Variants in PRELID2 observed in about 807,000 individuals in gnomAD.
The protein encoded by PRELID2 is PRELI domain containing 2.
A neutral mutation model predicts 28.4 loss-of-function variants in PRELID2; 25 were observed. The ratio of observed to expected loss-of-function variants is 0.88; its 90% CI spans 0.64 to 1.23. The LOEUF (loss-of-function observed/expected upper bound fraction) is 1.23. PRELID2 is among the 50% of genes most tolerant of loss of function. The probability of loss-of-function intolerance (pLI) is 0.00; values close to 1 mark genes in which losing one functional copy is unlikely to be tolerated. For missense variants in PRELID2, 201 were observed against 214.4 expected, an observed-to-expected ratio of 0.94 and a Z score of 0.39; for synonymous variants, 76 against 71.6, an observed-to-expected ratio of 1.06 and a Z score of -0.31.
intron 2 of PRELID2, among the ~76,000 whole-genome samples, chr5:145,821,257 G>A (rs1042771227): frequency 6.7e-6 from 1 of 150,350 alleles, no homozygotes. Context: ...TCTTCTGTGT[G>A]TATGTGTGTG....
intron 1 of PRELID2, among the ~76,000 whole-genome samples, chr5:145,702,322 T>C (rs1406688323): frequency 6.6e-6 from 1 of 152,172 alleles, no homozygotes; most frequent in Non-Finnish European, 1.5e-5. Flanking sequence ...CCTTGTCTCA[T>C]CTGTGTCTGA....
intron 4 of PRELID2, among the ~76,000 whole-genome samples, chr5:145,798,511 T>A (rs1752913466): frequency 6.6e-6 from 1 of 152,142 alleles, no homozygotes; most frequent in Non-Finnish European, 1.5e-5. Context: ...GACCCAGCCA[T>A]CCCATTACTG....
At chr5:145,804,516 G>T (rs1481720440) in intron 4 of PRELID2, among the ~76,000 whole-genome samples, 1 of 152,044 alleles carries the variant, frequency 6.6e-6, no homozygotes, top group African/African-American at 2.4e-5. Flanking sequence ...CCTCAAAAAA[G>T]AAAAGAATTG....
chr5:145,294,563 G>T, the PRELID2 span, among the ~76,000 whole-genome samples: 1 of 152,064 alleles, frequency 6.6e-6, no homozygotes, highest in African/African-American at 2.4e-5. Context: ...AATAAGGGCT[G>T]TGTTTCCTAT....
chr5:145,591,140 AAAAATATTAG>A (rs2149630990), intron 1 of PRELID2, among the ~76,000 whole-genome samples: 1 of 151,618 alleles, frequency 6.6e-6, no homozygotes, highest in Non-Finnish European at 1.5e-5. Context: ...TACAAAACAT[AAAAATATTAG>A]CTGGGCATGG....
intron 5 of PRELID2, among the ~76,000 whole-genome samples, chr5:145,784,374 T>C (rs926306669): frequency 6.6e-6 from 1 of 152,216 alleles, no homozygotes; most frequent in Admixed American, 6.5e-5. Flanking sequence ...AATTTTGTTT[T>C]CTTCTCAACA....
the PRELID2 span, among the ~76,000 whole-genome samples, chr5:145,408,417 A>G: frequency 7.3e-6 from 1 of 137,328 alleles, no homozygotes; most frequent in Admixed American, 7.4e-5. Context: ...ATATATATAT[A>G]TGTATAATAT....
Position 145,525,936 on chromosome 5 carries a change from G to A in PRELID2, n.71-52621C>T, listed in dbSNP as rs570902776. 2.6e-5 allele frequency among the ~76,000 whole-genome samples: 4 copies of A among 152,202 alleles called. No individual in the cohort carries two copies. In the East Asian group the frequency reaches 7.7e-4, roughly 29 times the overall value. On this transcript the variant is annotated intron_variant and non_coding_transcript_variant, in intron 1 of 2. Coordinates refer to the PRELID2 transcript ENST00000510259. ...ACCTGATCCATTTTCTTTTCTTTCT[G>A]GGTCTACTTCTTTCATTCATGTACT...
chr5:145,703,502 T>C (rs1755463992), intron 1 of PRELID2, among the ~76,000 whole-genome samples: 1 of 152,114 alleles, frequency 6.6e-6, no homozygotes, highest in Non-Finnish European at 1.5e-5. Context: ...CCCTAAATGC[T>C]CCAGGGAAAA....
chr5:145,790,587 A>C (rs1752304056), intron 5 of PRELID2, among the ~76,000 whole-genome samples: 1 of 151,776 alleles, frequency 6.6e-6, no homozygotes, highest in South Asian at 2.1e-4. Context: ...GTTAATGAGA[A>C]TATATTGTAA....
chr5:145,232,084 G>A, the PRELID2 span, among the ~76,000 whole-genome samples: 1 of 152,076 alleles, frequency 6.6e-6, no homozygotes, highest in Admixed American at 6.5e-5. Context: ...GGACACTAGT[G>A]TCTCGTGTAG....
chr5:145,283,701 T>C, the PRELID2 span, among the ~76,000 whole-genome samples: 1 of 152,200 alleles, frequency 6.6e-6, no homozygotes, highest in East Asian at 1.9e-4. Flanking sequence ...TACAACAATG[T>C]TATGTAACCA....
At chr5:145,396,189 A>G in the PRELID2 span, among the ~76,000 whole-genome samples, 1 of 152,124 alleles carries the variant, frequency 6.6e-6, no homozygotes, top group Non-Finnish European at 1.5e-5. Flanking sequence ...ACTTTCATCA[A>G]ATTTTCCTCA....
At chr5:145,373,685 TATG>T in the PRELID2 span, among the ~76,000 whole-genome samples, 1 of 45,080 alleles carries the variant, frequency 2.2e-5, no homozygotes, top group African/African-American at 8.8e-5. Context: ...ATATATTATA[TATG>T]ATATTATATA....
the PRELID2 span, among the ~76,000 whole-genome samples, chr5:145,255,376 AAAAAG>A: frequency 6.6e-6 from 1 of 152,248 alleles, no homozygotes; most frequent in Middle Eastern, 3.4e-3. Context: ...AAACTATACT[AAAAAG>A]AAATAAAAAC....
intron 4 of PRELID2, among the ~76,000 whole-genome samples, chr5:145,814,634 GT>G (rs1432714559): frequency 6.6e-6 from 1 of 152,072 alleles, no homozygotes; most frequent in Non-Finnish European, 1.5e-5. Flanking sequence ...GTTTATAGTT[GT>G]TTGGGCTTGA....
chr5:145,445,467 A>G, the PRELID2 span, among the ~76,000 whole-genome samples: 1 of 152,110 alleles, frequency 6.6e-6, no homozygotes, highest in Non-Finnish European at 1.5e-5. Context: ...ATGGATCTGG[A>G]CAGATTTTAT....
intron 1 of PRELID2, among the ~76,000 whole-genome samples, chr5:145,657,984 A>G (rs1279784688): frequency 6.6e-6 from 1 of 152,204 alleles, no homozygotes; most frequent in Admixed American, 6.5e-5. Context: ...TATAAATAAC[A>G]TGCTCATAGA....
At position 145,638,278 on chromosome 5, in the gene PRELID2, C is replaced by T. The variant is rs141133812; in HGVS notation, n.70+126653G>A. 6.2e-4 allele frequency among the ~76,000 whole-genome samples: 94 copies of T among 152,222 alleles called. No individual in the cohort carries two copies. The East Asian group carries it at 0.013, about 21-fold the overall frequency. Reference sequence around the variant, plus strand: ...GTTCCATGCTGTGTTCCCCACTAAACGGGCATTACAATATATTCTGGCACT... The same window carrying T: ...GTTCCATGCTGTGTTCCCCACTAAATGGGCATTACAATATATTCTGGCACT... On this transcript the variant is annotated intron_variant and non_coding_transcript_variant, in intron 1 of 2. Transcript: ENST00000510259.
Sources: gnomAD v4.1 joint callset for allele counts (sites outside exome capture counted in the v4.1 genomes callset) on GRCh38, gnomAD v4.1.1 for gene constraint, MANE v1.5 for transcripts, NCBI Gene and HGNC (gene_info 2026-07-23, HGNC 2026-07-21) for gene names.